NFIA: variants seen among roughly 807,000 people sequenced by gnomAD.
The protein encoded by NFIA is nuclear factor I A.
NFIA carries 8 observed loss-of-function variants against 62.8 expected under a neutral mutation model. The observed-to-expected ratio is 0.13, with a 90% CI of 0.07 to 0.23. The LOEUF (loss-of-function observed/expected upper bound fraction) is 0.23, where lower values mean the gene tolerates loss of function less well. Among genes scored for constraint, NFIA ranks in the 10% least tolerant of loss-of-function variants. NFIA has a pLI of 1.00. For missense variants in NFIA, 410 were observed against 642.1 expected (o/e 0.64, Z 3.91); for synonymous variants, 235 against 238.1 (o/e 0.99, Z 0.12).
intron 6 of NFIA, among the ~76,000 whole-genome samples, 165 bp from the exon 7 acceptor site, chr1:61,383,072 C>T (rs1664500048): frequency 6.6e-6 from 1 of 152,172 alleles, no homozygotes; most frequent in African/African-American, 2.4e-5. Context: ...ATTCTGTCAC[C>T]TCTTTGTTTC....
intron 2 of NFIA, among the ~76,000 whole-genome samples, chr1:61,208,211 T>G (rs992391139): frequency 2.6e-5 from 4 of 152,116 alleles, no homozygotes; most frequent in African/African-American, 9.7e-5. Flanking sequence ...ATGATTGAAC[T>G]CTTGTTTTTG....
At chr1:61,343,888 G>T (rs866331175) in intron 4 of NFIA, among the ~76,000 whole-genome samples, 14 of 152,314 alleles carry the variant, frequency 9.2e-5, no homozygotes, top group Middle Eastern at 6.8e-3. Context: ...TATCTGCAGG[G>T]TGTCTGAATT....
rs142199705 is a variant in NFIA, at chr1:61,277,391, G to A, written c.560-129G>A. On this transcript the variant is annotated intron_variant, in intron 2 of 10. Coordinates refer to ENST00000403491, the MANE Select transcript of NFIA (RefSeq NM_001134673.4). ...TCTTTCCATCTTTTCTTTTTTTCAT[G>A]TCTCATGTCATTTCTGTAATGTTCC... The A allele has an allele frequency of 5.4e-3, 4,165 of 774,704 alleles. 27 individuals carry two copies. Among genetic ancestry groups the A allele is most frequent in the Middle Eastern group, 8.9e-3 (36 of 4,040 alleles). The allele number at this position is 774,704 out of a possible 1,614,324, so 48.0% of individuals were successfully genotyped here.
intron 3 of NFIA, among the ~76,000 whole-genome samples, chr1:61,306,901 T>G (rs1247291700): frequency 1.3e-5 from 2 of 152,196 alleles, no homozygotes; most frequent in East Asian, 3.8e-4. Flanking sequence ...AGCCAAAGTT[T>G]AGGAACCAGC....
At chr1:61,312,187 A>G (rs927056300) in intron 3 of NFIA, among the ~76,000 whole-genome samples, 1 of 152,242 alleles carries the variant, frequency 6.6e-6, no homozygotes, top group African/African-American at 2.4e-5. Context: ...GTGAGTGCAC[A>G]GTTGCAGCAC....
chr1:61,178,209 C>T (rs1338245248), intron 2 of NFIA, among the ~76,000 whole-genome samples: 1 of 152,072 alleles, frequency 6.6e-6, no homozygotes, highest in Non-Finnish European at 1.5e-5. Flanking sequence ...GTGATATCAC[C>T]CACACTGGCA....
chr1:61,317,186 G>A (rs1333370135), intron 3 of NFIA, among the ~76,000 whole-genome samples: 1 of 151,984 alleles, frequency 6.6e-6, no homozygotes, highest in Non-Finnish European at 1.5e-5. Context: ...AGTGAAACTG[G>A]AAAAAGGAGG....
intron 5 of NFIA, among the ~76,000 whole-genome samples, chr1:61,355,751 A>T (rs1370160639): frequency 1.3e-5 from 2 of 149,654 alleles, no homozygotes; most frequent in African/African-American, 4.8e-5. Context: ...CGGCTGATTT[A>T]AAAAATATTT....
At chr1:61,453,163 C>A (rs1356110997) in intron 10 of NFIA, among the ~76,000 whole-genome samples, 1 of 152,072 alleles carries the variant, frequency 6.6e-6, no homozygotes, top group Non-Finnish European at 1.5e-5. Flanking sequence ...ATAAATACTT[C>A]AATGTGTTTG....
intron 2 of NFIA, among the ~76,000 whole-genome samples, chr1:61,213,788 C>T (rs1653415424): frequency 6.6e-6 from 1 of 152,094 alleles, no homozygotes; most frequent in Non-Finnish European, 1.5e-5. Flanking sequence ...GCATGTTACC[C>T]AACTTCTCCT....
intron 4 of NFIA, among the ~76,000 whole-genome samples, chr1:61,350,373 G>A (rs918407862): frequency 6.6e-6 from 1 of 151,738 alleles, no homozygotes; most frequent in South Asian, 2.1e-4. Flanking sequence ...GCTCATGCTT[G>A]TAATCCCAGT....
At chr1:61,303,650 G>A (rs1659604525) in intron 3 of NFIA, among the ~76,000 whole-genome samples, 1 of 152,162 alleles carries the variant, frequency 6.6e-6, no homozygotes, top group South Asian at 2.1e-4. Context: ...CAGGACAGTG[G>A]CTGTTTGACT....
At chr1:61,317,477 AAT>A (rs1268129225) in intron 3 of NFIA, among the ~76,000 whole-genome samples, 2 of 152,076 alleles carry the variant, frequency 1.3e-5, no homozygotes, top group Non-Finnish European at 2.9e-5. Flanking sequence ...TATATATACT[AAT>A]ATGATTATAT....
In NFIA at chr1:61,333,357, T is replaced by G. The variant is rs116762275; in HGVS notation, c.700+771T>G. ...TTCATTTCAGGTTCATACCCCCCAT[T>G]CACTGTGTTACAGGCTTGCAAGATT... On this transcript the variant is annotated intron_variant, in intron 4 of 10. Coordinates refer to ENST00000403491, the MANE Select transcript of NFIA (RefSeq NM_001134673.4). 3.8e-3 allele frequency among the ~76,000 whole-genome samples: 574 copies of G among 152,258 alleles called. 6 individuals carry two copies. The highest frequency in any genetic ancestry group is 0.013 in the African/African-American group (554 of 41,544).
At chr1:61,296,364 GA>G (rs1347590961) in intron 3 of NFIA, among the ~76,000 whole-genome samples, 1 of 152,128 alleles carries the variant, frequency 6.6e-6, no homozygotes, top group Admixed American at 6.6e-5. Flanking sequence ...TTGACATTCA[GA>G]TCACTTTGAA....
intron 2 of NFIA, among the ~76,000 whole-genome samples, chr1:61,199,039 G>T (rs1485010739): frequency 6.6e-6 from 1 of 152,140 alleles, no homozygotes; most frequent in Non-Finnish European, 1.5e-5. Context: ...TTTTGAAATA[G>T]GAATAGTCCT....
At chr1:61,337,734 G>A (rs1323442142) in intron 4 of NFIA, among the ~76,000 whole-genome samples, 2 of 152,194 alleles carry the variant, frequency 1.3e-5, no homozygotes, top group Non-Finnish European at 2.9e-5. Flanking sequence ...TTCCCTTGAA[G>A]TTGCTACAAA....
intron 2 of NFIA, among the ~76,000 whole-genome samples, chr1:61,153,384 C>T (rs334701): frequency 0.9 from 136,643 of 151,798 alleles, 61,422 homozygotes; most frequent in Non-Finnish European, 0.93. Context: ...TCAGGTTAGC[C>T]GTTGATGCCT....
At chr1:61,091,699 A>G (rs1646322697) in intron 2 of NFIA, among the ~76,000 whole-genome samples, 1 of 152,218 alleles carries the variant, frequency 6.6e-6, no homozygotes, top group African/African-American at 2.4e-5. Context: ...GATGATCTGT[A>G]TCAGAATCTA....
Sources: gnomAD v4.1 joint callset for allele counts (sites outside exome capture counted in the v4.1 genomes callset) on GRCh38, gnomAD v4.1.1 for gene constraint, MANE v1.5 for transcripts, NCBI Gene and HGNC (gene_info 2026-07-23, HGNC 2026-07-21) for gene names.